C12orf75: variants seen among roughly 807,000 people sequenced by gnomAD.
The protein encoded by C12orf75 is overexpressed in colon carcinoma 1 protein.
A neutral mutation model predicts 11.4 loss-of-function variants in C12orf75; 4 were observed. That is an observed-to-expected ratio of 0.35 (90% CI 0.17 to 0.80). C12orf75 has a LOEUF of 0.80. Ranked by LOEUF, C12orf75 falls within the 30% of genes least tolerant of loss-of-function variation. The probability of loss-of-function intolerance (pLI) is 0.52; values close to 1 mark genes in which losing one functional copy is unlikely to be tolerated. For synonymous variants in C12orf75, 30 were observed against 30.0 expected (o/e 1.00, Z 0.00); for missense variants, 89 against 80.4 (o/e 1.11, Z -0.41).
chr12:105,369,192 A>T (rs1057402605), intron 5 of C12orf75, among the ~76,000 whole-genome samples: 3 of 152,134 alleles, frequency 2.0e-5, no homozygotes, highest in Non-Finnish European at 4.4e-5. Flanking sequence ...TCTCAACCAC[A>T]GTTTTCTCAT....
At chr12:105,333,494 C>A (rs1375797047) in intron 1 of C12orf75, among the ~76,000 whole-genome samples, 1 of 151,780 alleles carries the variant, frequency 6.6e-6, no homozygotes, top group Admixed American at 6.6e-5. Context: ...TCCCAGGAGT[C>A]ATAGAATTCA....
intron 2 of C12orf75, among the ~76,000 whole-genome samples, chr12:105,357,078 A>C (rs976958778): frequency 1.3e-5 from 2 of 152,208 alleles, no homozygotes; most frequent in South Asian, 4.1e-4. Context: ...CCCGACCTAC[A>C]AGAAGACAGA....
In C12orf75 at chr12:105,330,874, TC is replaced by T. The variant is rs1383471374; in HGVS notation, c.-14del. The T allele has an allele frequency of 3.2e-6, 4 of 1,253,576 alleles. No individual in the cohort carries two copies. The highest frequency in any genetic ancestry group is 4.0e-5 in the Admixed American group (1 of 25,198). 77.7% of individuals were successfully genotyped at this position (1,253,576 alleles called of 1,614,324 possible). A position where few individuals can be genotyped will look rare whatever the true frequency, so the allele number is the denominator to read the frequency against. On this transcript the variant is annotated 5_prime_UTR_variant, in exon 1 of 6. Transcript: ENST00000443585. ...CGGCCGAGAGCTCCGGAGCGCGGCT[TC>T]CCCGGCCGGCTGCGCGATGGGCTGC...
At chr12:105,341,851 T>TCCC (rs1892578674) in intron 1 of C12orf75, among the ~76,000 whole-genome samples, 1 of 152,176 alleles carries the variant, frequency 6.6e-6, no homozygotes, top group African/African-American at 2.4e-5. Flanking sequence ...TGGGGGTGGT[T>TCCC]CCCCCATACT....
At chr12:105,367,273 C>G (rs1170542447) in intron 4 of C12orf75, among the ~76,000 whole-genome samples, 199 bp from the exon 5 acceptor site, 1 of 152,168 alleles carries the variant, frequency 6.6e-6, no homozygotes, top group Non-Finnish European at 1.5e-5. Flanking sequence ...TTTTAAATGA[C>G]TATTAACATG....
chr12:105,345,766 A>G (rs374908588), intron 1 of C12orf75, among the ~76,000 whole-genome samples: 7 of 143,548 alleles, frequency 4.9e-5, no homozygotes, highest in Middle Eastern at 3.9e-3. Context: ...GGTTCAAGCA[A>G]TTCTGCCTCA....
chr12:105,362,193 T>C (rs1006034777), intron 2 of C12orf75, among the ~76,000 whole-genome samples: 9 of 152,024 alleles, frequency 5.9e-5, no homozygotes, highest in South Asian at 4.2e-4. Flanking sequence ...GAGACCATCC[T>C]GGCTAAAACG....
intron 2 of C12orf75, among the ~76,000 whole-genome samples, chr12:105,351,231 T>A (rs900315939): frequency 3.3e-5 from 5 of 151,842 alleles, no homozygotes; most frequent in Non-Finnish European, 5.9e-5. Flanking sequence ...CACATTAAAA[T>A]TTTTTTTTAA....
At chr12:105,336,269 G>A (rs768173131) in intron 1 of C12orf75, among the ~76,000 whole-genome samples, 2 of 152,220 alleles carry the variant, frequency 1.3e-5, no homozygotes, top group African/African-American at 2.4e-5. Flanking sequence ...AGGCACTGAG[G>A]CCACAGAGTT....
intron 1 of C12orf75, among the ~76,000 whole-genome samples, chr12:105,335,970 C>A (rs2136139875): frequency 6.6e-6 from 1 of 152,308 alleles, no homozygotes; most frequent in South Asian, 2.1e-4. Flanking sequence ...GAAAATAGAA[C>A]CTCAGGAAGT....
intron 2 of C12orf75, among the ~76,000 whole-genome samples, chr12:105,358,551 A>C (rs1892817548): frequency 6.6e-6 from 1 of 152,158 alleles, no homozygotes; most frequent in East Asian, 1.9e-4. Flanking sequence ...ATAATAAATA[A>C]ATACAGGGTT....
chr12:105,358,615 T>G (rs927668304), intron 2 of C12orf75, among the ~76,000 whole-genome samples: 2 of 152,228 alleles, frequency 1.3e-5, no homozygotes, highest in African/African-American at 4.8e-5. Context: ...CAGTCTTACA[T>G]TTTTTCAAAT....
intron 2 of C12orf75, among the ~76,000 whole-genome samples, chr12:105,362,325 C>G: frequency 7.8e-6 from 1 of 127,804 alleles, no homozygotes; most frequent in Admixed American, 9.8e-5. Flanking sequence ...GCGGAGCTTG[C>G]AGTGAGCCGA....
chr12:105,353,278 A>G (rs1335618834), intron 2 of C12orf75, among the ~76,000 whole-genome samples: 4 of 152,208 alleles, frequency 2.6e-5, no homozygotes, highest in South Asian at 4.1e-4. Context: ...AGTGGTGACA[A>G]ACAGGACCAG....
At chr12:105,362,722 C>G (rs892840829) in intron 2 of C12orf75, among the ~76,000 whole-genome samples, 8 of 151,616 alleles carry the variant, frequency 5.3e-5, no homozygotes, top group Non-Finnish European at 1.0e-4. Context: ...GCATGTTTCT[C>G]TAATGCAAAT....
At chr12:105,369,494 A>T (rs1441969579) in intron 5 of C12orf75, among the ~76,000 whole-genome samples, 1 of 151,992 alleles carries the variant, frequency 6.6e-6, no homozygotes, top group Admixed American at 6.6e-5. Context: ...CTGAACGTGC[A>T]GGCTTGTTAC....
At chr12:105,356,593 C>A (rs1892784660) in intron 2 of C12orf75, among the ~76,000 whole-genome samples, 1 of 152,102 alleles carries the variant, frequency 6.6e-6, no homozygotes, top group African/African-American at 2.4e-5. Context: ...TGAGAACTTT[C>A]TGAATTTTCA....
At chr12:105,345,040 G>A (rs1892621536) in intron 1 of C12orf75, among the ~76,000 whole-genome samples, 1 of 149,964 alleles carries the variant, frequency 6.7e-6, no homozygotes, top group Admixed American at 6.6e-5. Flanking sequence ...AACTAGGTCA[G>A]GCCATGATGG....
chr12:105,330,911 C>T lies in C12orf75; in HGVS notation c.20C>T (p.Thr7Ile). 8.0e-7 allele frequency: 1 copy of T among 1,242,500 alleles called. No homozygotes were observed. Among genetic ancestry groups the T allele is most frequent in the Non-Finnish European group, 1.0e-6 (1 of 995,566 alleles). The allele number at this position is 1,242,500 out of a possible 1,614,324, so 77.0% of individuals were successfully genotyped here. MGCGNS[T>I]ATSAGAGQGP... ...TGCGCGATGGGCTGCGGGAACTCCA[C>T]CGCCACCAGCGCGGGCGCGGGCCAA... Residue 7 changes from threonine to isoleucine, a missense_variant, in exon 1 of 6, where the codon ACC becomes ATC. By Grantham distance (89) the Thr-to-Ile change is moderately conservative. Coordinates refer to ENST00000443585, the MANE Select transcript of C12orf75 (RefSeq NM_001145199.2).
Sources: allele counts gnomAD v4.1 joint callset (sites outside exome capture counted in the v4.1 genomes callset), GRCh38; gene constraint gnomAD v4.1.1; transcripts MANE v1.5; gene names NCBI Gene and HGNC (gene_info 2026-07-23, HGNC 2026-07-21).